The following PCDHGB1 variants were observed in gnomAD, a reference collection of about 807,000 sequenced individuals.
The protein encoded by PCDHGB1 is protocadherin gamma subfamily B, 1.
Under a neutral mutation model 56.6 loss-of-function variants are expected in PCDHGB1, and 34 were observed. The ratio of observed to expected loss-of-function variants is 0.60; its 90% CI spans 0.46 to 0.80. The LOEUF is 0.80. PCDHGB1 is among the 30% of genes least tolerant of loss of function. The pLI, the probability that PCDHGB1 is intolerant of heterozygous loss-of-function variation, is 0.00. For missense variants in PCDHGB1, 1,278 were observed against 1,204.6 expected (o/e 1.06, Z -0.90); for synonymous variants, 561 against 505.9 (o/e 1.11, Z -1.46).
At chr5:141,398,396 T>A (rs1191920974) in intron 1 of PCDHGB1, 1 of 1,465,660 alleles carries the variant, frequency 6.8e-7, no homozygotes, top group South Asian at 1.2e-5. Flanking sequence ...AGCAGCAGGC[T>A]AGACAGGGAG....
chr5:141,399,996 C>A (rs753801667), intron 1 of PCDHGB1: 5 of 1,612,402 alleles, frequency 3.1e-6, no homozygotes, highest in Non-Finnish European at 4.2e-6. Flanking sequence ...GAGAGGTGCG[C>A]ACAGCGCGTG....
At chr5:141,366,184 G>T in intron 1 of PCDHGB1, 2 of 1,613,984 alleles carry the variant, frequency 1.2e-6, no homozygotes, top group South Asian at 1.1e-5. Flanking sequence ...GACTCTTTGC[G>T]GTTGGGCTGC....
intron 1 of PCDHGB1, chr5:141,364,483 C>T: frequency 1.9e-6 from 3 of 1,614,024 alleles, no homozygotes; most frequent in Non-Finnish European, 2.5e-6. Context: ...TAGCCAAGGA[C>T]CTTGGGCTGG....
At chr5:141,360,285 C>A in intron 1 of PCDHGB1, 1 of 1,613,972 alleles carries the variant, frequency 6.2e-7, no homozygotes, top group Non-Finnish European at 8.5e-7. Context: ...TAGGAAACCT[C>A]GCCAAGGATC....
chr5:141,354,208 C>A (rs1232635015), intron 1 of PCDHGB1, among the ~76,000 whole-genome samples: 3 of 152,106 alleles, frequency 2.0e-5, no homozygotes, highest in South Asian at 2.1e-4. Context: ...TCTAACTTTT[C>A]TTTTTATTTC....
intron 1 of PCDHGB1, among the ~76,000 whole-genome samples, chr5:141,465,348 A>C (rs886810999): frequency 6.6e-6 from 1 of 152,158 alleles, no homozygotes; most frequent in African/African-American, 2.4e-5. Context: ...GTTACTGAAG[A>C]AAAAATGGGT....
At chr5:141,404,096 G>C in intron 1 of PCDHGB1, 1 of 1,613,610 alleles carries the variant, frequency 6.2e-7, no homozygotes, top group Non-Finnish European at 8.5e-7. Flanking sequence ...GAATGGTCAA[G>C]TTGTCTGTTC....
At position 141,355,636 on chromosome 5, in the gene PCDHGB1, G is replaced by A. The variant is rs763658720; in HGVS notation, c.2409+2967G>A. Reference sequence around the variant, plus strand: ...GAGGGAAATAAAAGTTGCTGAAAATGAAAATCCTGGGGCAAGATTTCCTCT... The same window carrying A: ...GAGGGAAATAAAAGTTGCTGAAAATAAAAATCCTGGGGCAAGATTTCCTCT... On this transcript the variant is annotated intron_variant, in intron 1 of 3. Coordinates refer to ENST00000523390, the MANE Select transcript of PCDHGB1 (RefSeq NM_018922.3). 1.4e-5 allele frequency: 22 copies of A among 1,613,866 alleles called. No homozygotes were observed. The Admixed American group carries it at 3.7e-4, about 27-fold the overall frequency.
At chr5:141,482,840 G>A (rs1343123459) in intron 1 of PCDHGB1, among the ~76,000 whole-genome samples, 2 of 152,212 alleles carry the variant, frequency 1.3e-5, no homozygotes, top group Admixed American at 6.5e-5. Context: ...GGGAGGCCAA[G>A]GTGGGCAGAT....
chr5:141,400,524 G>T, intron 1 of PCDHGB1: 1 of 1,613,920 alleles, frequency 6.2e-7, no homozygotes, highest in Non-Finnish European at 8.5e-7. Flanking sequence ...ATCCTGAGTT[G>T]GTGAGTTTCA....
At chr5:141,449,876 C>T (rs924666805) in intron 1 of PCDHGB1, among the ~76,000 whole-genome samples, 1 of 151,724 alleles carries the variant, frequency 6.6e-6, no homozygotes, top group African/African-American at 2.4e-5. Context: ...AATTTAACAT[C>T]AATGCAATAT....
At chr5:141,374,286 C>G (rs778269128) in intron 1 of PCDHGB1, 1 of 1,613,980 alleles carries the variant, frequency 6.2e-7, no homozygotes, top group East Asian at 2.2e-5. Flanking sequence ...CGCATCGTCT[C>G]CAGAGGTAGG....
chr5:141,350,902 C>T lies in PCDHGB1; in HGVS notation c.642C>T (p.Gly214=), dbSNP rs749311481. The change falls in exon 1 of 4, where the codon GGC becomes GGT. Residue 214 remains glycine, a synonymous_variant. Coordinates refer to ENST00000523390, the MANE Select transcript of PCDHGB1 (RefSeq NM_018922.3). The part of the protein sequence containing the change: ...SHRLILTAMD[G]GDPPLSGTTH... ...GCTTAATCCTGACTGCCATGGATGG[C>T]GGGGACCCGCCTCTAAGCGGCACCA... The T allele has an allele frequency of 1.2e-6, 2 of 1,612,812 alleles. No homozygotes were observed. Among genetic ancestry groups the T allele is most frequent in the South Asian group, 1.1e-5 (1 of 91,066 alleles).
At position 141,487,790 on chromosome 5, in the gene PCDHGB1, C is replaced by T. The variant is rs1360781901; in HGVS notation, c.2410-7017C>T. 6.6e-7 allele frequency: 1 copy of T among 1,511,992 alleles called. No individual in the cohort carries two copies. Among genetic ancestry groups the T allele is most frequent in the Non-Finnish European group, 8.9e-7 (1 of 1,120,458 alleles). The allele number at this position is 1,511,992 out of a possible 1,614,324, so 93.7% of individuals were successfully genotyped here. ...GCTTTGTAACTGTTTCGTGAATTAA[C>T]CAGAGTTGTCACAGTTTAGCATTGG... On this transcript the variant is annotated intron_variant, in intron 1 of 3. Coordinates refer to ENST00000523390, the MANE Select transcript of PCDHGB1 (RefSeq NM_018922.3). This position sits in a 1 kb window ranked among gnomAD's most constrained non-coding sequence, Gnocchi z 5.0.
chr5:141,495,982 T>C (rs2099765062), intron 2 of PCDHGB1, among the ~76,000 whole-genome samples: 2 of 152,144 alleles, frequency 1.3e-5, no homozygotes. Context: ...TACTCTTTCT[T>C]TATCTCTCTT....
At chr5:141,382,104 A>G (rs1777948509) in intron 1 of PCDHGB1, among the ~76,000 whole-genome samples, 1 of 152,108 alleles carries the variant, frequency 6.6e-6, no homozygotes, top group Non-Finnish European at 1.5e-5. Context: ...GTGGGATTAC[A>G]GGCGTGAGCA....
chr5:141,382,110 G>A (rs1480214134), intron 1 of PCDHGB1, among the ~76,000 whole-genome samples: 1 of 151,982 alleles, frequency 6.6e-6, no homozygotes, highest in Non-Finnish European at 1.5e-5. Context: ...TTACAGGCGT[G>A]AGCAACAGCA....
chr5:141,443,781 CA>C (rs1227271563), intron 1 of PCDHGB1, among the ~76,000 whole-genome samples: 2 of 150,514 alleles, frequency 1.3e-5, no homozygotes, highest in African/African-American at 2.4e-5. Flanking sequence ...ACCAAAAAGA[CA>C]AAAAAAATGA....
chr5:141,459,162 T>A (rs1408033955), intron 1 of PCDHGB1, among the ~76,000 whole-genome samples: 3 of 152,224 alleles, frequency 2.0e-5, no homozygotes, highest in African/African-American at 7.2e-5. Context: ...AACATTTCTA[T>A]AACCTTCAAA....
Sources: allele counts gnomAD v4.1 joint callset (sites outside exome capture counted in the v4.1 genomes callset), GRCh38; gene constraint gnomAD v4.1.1; non-coding constraint Gnocchi (gnomAD v3.1); transcripts MANE v1.5; gene names NCBI Gene and HGNC (gene_info 2026-07-23, HGNC 2026-07-21).